Variants in MCM5 observed in about 807,000 individuals in gnomAD.
The protein encoded by MCM5 is minichromosome maintenance complex component 5, also known as DNA replication licensing factor MCM5.
A neutral mutation model predicts 79.9 loss-of-function variants in MCM5; 46 were observed. The observed-to-expected ratio is 0.58, with a 90% confidence interval of 0.45 to 0.74. The LOEUF (loss-of-function observed/expected upper bound fraction) is 0.74. Among genes scored for constraint, MCM5 ranks in the 30% least tolerant of loss-of-function variants. MCM5 has a pLI of 0.00. For synonymous variants in MCM5, 404 were observed against 390.5 expected, an observed-to-expected ratio of 1.03 and a Z score of -0.41; for missense variants, 883 against 1,017.0, an observed-to-expected ratio of 0.87 and a Z score of 1.79.
chr22:35,443,902 T>C, the MCM5 span, among the ~76,000 whole-genome samples: 1 of 152,220 alleles, frequency 6.6e-6, no homozygotes, highest in East Asian at 1.9e-4. Context: ...AACACATGGT[T>C]TGAATCCCTG....
chr22:35,403,384 C>G lies in MCM5; in HGVS notation c.295-30C>G, dbSNP rs1417918451. The stretch of plus-strand genomic sequence containing the variant: ...TCCCAGGGCTGCTCTGCCCCAGTTA[C>G]TAATAGCCTGTGCCCTTCCCTTTCT... On this transcript the variant is annotated intron_variant, in intron 3 of 16. Coordinates refer to ENST00000216122, the MANE Select transcript of MCM5 (RefSeq NM_006739.4). 3.7e-6 allele frequency: 6 copies of G among 1,614,070 alleles called. No homozygotes were observed. In the Admixed American group the frequency reaches 8.3e-5, roughly 22 times the overall value.
chr22:35,438,655 CCG>C, the MCM5 span, among the ~76,000 whole-genome samples: 1 of 37,242 alleles, frequency 2.7e-5, no homozygotes, highest in African/African-American at 1.3e-4. Context: ...ATCCATCCAT[CCG>C]TCCATCCACA....
chr22:35,436,974 C>T, the MCM5 span, among the ~76,000 whole-genome samples: 2 of 132,820 alleles, frequency 1.5e-5, no homozygotes, highest in Admixed American at 7.6e-5. Flanking sequence ...AGCCTCGCGT[C>T]ACTAGGGCCA....
intron 7 of MCM5, 63 bp from the exon 8 acceptor site, chr22:35,412,447 G>A: frequency 7.3e-7 from 1 of 1,369,318 alleles, no homozygotes; most frequent in Non-Finnish European, 9.6e-7. Flanking sequence ...GCTGGTGCCA[G>A]GATGGGCAGT....
At chr22:35,429,711 T>A (rs1216475744), downstream of MCM5, among the ~76,000 whole-genome samples, 1 of 151,978 alleles carries the variant, frequency 6.6e-6, no homozygotes, top group Admixed American at 6.6e-5. Flanking sequence ...AATTTTTGTA[T>A]TTTTAGTAGA....
chr22:35,441,019 T>A, the MCM5 span, among the ~76,000 whole-genome samples: 23 of 148,040 alleles, frequency 1.6e-4, no homozygotes, highest in East Asian at 4.6e-3. Flanking sequence ...ATCACACCAT[T>A]GCACTACAGC....
At chr22:35,448,281 C>T in the MCM5 span, among the ~76,000 whole-genome samples, 3 of 152,176 alleles carry the variant, frequency 2.0e-5, no homozygotes, top group East Asian at 3.9e-4. Context: ...TACGGGAAGG[C>T]GAAGTTGGCT....
chr22:35,406,848 G>C, intron 5 of MCM5, 123 bp downstream of exon 5: 1 of 1,041,696 alleles, frequency 9.6e-7, no homozygotes, highest in East Asian at 2.5e-5. Context: ...GCTGGGCAGG[G>C]GTGTGCCCTT....
downstream of MCM5, among the ~76,000 whole-genome samples, chr22:35,429,087 G>A (rs1932796707): frequency 7.4e-6 from 1 of 134,244 alleles, no homozygotes; most frequent in African/African-American, 2.8e-5. Context: ...CCAGGTTCAA[G>A]CAATTCTCCT....
At chr22:35,426,364 C>G (rs947539507), downstream of MCM5, among the ~76,000 whole-genome samples, 2 of 152,050 alleles carry the variant, frequency 1.3e-5, no homozygotes, top group Admixed American at 6.5e-5. Context: ...AGTTGGGGCT[C>G]GGCTTAGTGG....
chr22:35,407,922 T>C (rs959151802), intron 5 of MCM5, among the ~76,000 whole-genome samples: 15 of 152,132 alleles, frequency 9.9e-5, no homozygotes, highest in African/African-American at 3.4e-4. Flanking sequence ...ACATAGTAGG[T>C]TTTGCTATGA....
chr22:35,444,297 A>G, the MCM5 span, among the ~76,000 whole-genome samples: 2 of 150,816 alleles, frequency 1.3e-5, no homozygotes, highest in African/African-American at 4.9e-5. Context: ...GAGGCTGAGG[A>G]GTGAAGGCTG....
At position 35,424,259 on chromosome 22, in the gene MCM5, G is replaced by A; in HGVS notation, c.*4G>A. 1 of 1,539,496 alleles carries A rather than the reference G, an allele frequency of 6.5e-7. No individual in the cohort carries two copies. The highest frequency in any genetic ancestry group is 8.8e-7 in the Non-Finnish European group (1 of 1,139,726). On this transcript the variant is annotated 3_prime_UTR_variant, in exon 17 of 17. Coordinates refer to ENST00000216122, the MANE Select transcript of MCM5 (RefSeq NM_006739.4). Reference sequence around the variant, plus strand: ...GGTTCTCTACCGCCTCAAGTGAGTCGCGCCGCCTCACTGGACTCATGGACT... The same window carrying A: ...GGTTCTCTACCGCCTCAAGTGAGTCACGCCGCCTCACTGGACTCATGGACT...
intron 9 of MCM5, among the ~76,000 whole-genome samples, chr22:35,415,397 A>G (rs1378140620): frequency 6.6e-6 from 1 of 152,204 alleles, no homozygotes; most frequent in East Asian, 1.9e-4. Context: ...TCCCAATTTC[A>G]GGGGCTCTAT....
chr22:35,405,336 C>G (rs888915086), intron 4 of MCM5, among the ~76,000 whole-genome samples: 3 of 151,734 alleles, frequency 2.0e-5, no homozygotes, highest in African/African-American at 7.3e-5. Context: ...ATAATTTGAT[C>G]TGGAACTATT....
At chr22:35,440,649 C>G in the MCM5 span, among the ~76,000 whole-genome samples, 1 of 152,338 alleles carries the variant, frequency 6.6e-6, no homozygotes, top group Admixed American at 6.5e-5. Context: ...GACCCTAATC[C>G]TGGCCCAGTT....
the MCM5 span, among the ~76,000 whole-genome samples, chr22:35,439,889 G>A: frequency 6.6e-6 from 1 of 152,236 alleles, no homozygotes; most frequent in Non-Finnish European, 1.5e-5. Flanking sequence ...AAAGCAGAGT[G>A]GGCACACGCA....
At chr22:35,450,380 A>G in the MCM5 span, among the ~76,000 whole-genome samples, 1 of 152,026 alleles carries the variant, frequency 6.6e-6, no homozygotes, top group Non-Finnish European at 1.5e-5. Context: ...AAGCCCTCGC[A>G]GGAAGACCCC....
chr22:35,430,138 C>T (rs1316932399), downstream of MCM5, among the ~76,000 whole-genome samples: 1 of 152,298 alleles, frequency 6.6e-6, no homozygotes, highest in Middle Eastern at 3.4e-3. Flanking sequence ...GAGCATGGTA[C>T]CTTTCAGGGG....
Sources: gnomAD v4.1 joint callset for allele counts (sites outside exome capture counted in the v4.1 genomes callset) on GRCh38, gnomAD v4.1.1 for gene constraint, MANE v1.5 for transcripts, NCBI Gene and HGNC (gene_info 2026-07-23, HGNC 2026-07-21) for gene names.